The following DNM2 variants were observed in gnomAD, a reference collection of about 807,000 sequenced individuals.
DNM2 encodes the protein dynamin 2.
In DNM2, 15 loss-of-function variants were observed where a neutral mutation model predicts 99.0. The observed-to-expected ratio is 0.15, with a 90% CI of 0.10 to 0.23. The LOEUF is 0.23. Among genes scored for constraint, DNM2 ranks in the 10% least tolerant of loss-of-function variants. DNM2 has a pLI of 1.00. For missense variants in DNM2, 742 were observed against 1,189.4 expected (o/e 0.62, Z 5.53); for synonymous variants, 525 against 481.2 (o/e 1.09, Z -1.19).
intron 7 of DNM2, among the ~76,000 whole-genome samples, chr19:10,789,663 T>C (rs1320894132): frequency 6.6e-6 from 1 of 151,960 alleles, no homozygotes; most frequent in Non-Finnish European, 1.5e-5. Flanking sequence ...TGAAACCCTG[T>C]CTCTATGAAA....
Position 10,830,084 on chromosome 19 carries a change from A to G in DNM2, c.2292-43A>G. 1.2e-6 allele frequency: 2 copies of G among 1,612,900 alleles called. No individual in the cohort carries two copies. Among genetic ancestry groups the G allele is most frequent in the Admixed American group, 1.7e-5 (1 of 59,946 alleles). Reference sequence around the variant, plus strand: ...CCACAGTGGCATGGCGGGGGCTCCTACTCCATCTGTATCTGTAGCTCACAC... The same window carrying G: ...CCACAGTGGCATGGCGGGGGCTCCTGCTCCATCTGTATCTGTAGCTCACAC... On this transcript the variant is annotated intron_variant, in intron 19 of 20. Transcript: ENST00000389253. This position sits in a 1 kb window ranked among gnomAD's most constrained non-coding sequence, Gnocchi z 4.8.
At position 10,795,983 on chromosome 19, in the gene DNM2, C is replaced by T; in HGVS notation, c.1196+544C>T. The T allele has an allele frequency of 6.2e-7, 1 of 1,606,078 alleles. No homozygotes were observed. Among genetic ancestry groups the T allele is most frequent in the East Asian group, 2.2e-5 (1 of 44,872 alleles). ...CTTCATTCCTTGTTGGGGACCCGGC[C>T]AGGGCCAATGAAATTGCTGACCATG... On this transcript the variant is annotated intron_variant, in intron 9 of 20. Coordinates refer to ENST00000389253, the MANE Select transcript of DNM2 (RefSeq NM_001005361.3). The surrounding 1 kb of genome is among the most constrained non-coding windows in gnomAD (Gnocchi z 4.2).
rs982219510 is a variant in DNM2 at position 10,764,923 on chromosome 19, C to T, written c.235+5112C>T. 2.0e-5 allele frequency among the ~76,000 whole-genome samples: 3 copies of T among 152,130 alleles called. No homozygotes were observed. Among genetic ancestry groups the T allele is most frequent in the Non-Finnish European group, 2.9e-5 (2 of 68,024 alleles). ...CTTGCCGCCTTCGTTCCCCGGTCCC[C>T]GGCAGCACGAGTTATCCTGTTCTTG... is the stretch of plus-strand genomic sequence containing the variant. On this transcript the variant is annotated intron_variant, in intron 2 of 20. Coordinates refer to ENST00000389253, the MANE Select transcript of DNM2 (RefSeq NM_001005361.3). The surrounding 1 kb of genome is among the most constrained non-coding windows in gnomAD (Gnocchi z 4.1).
At chr19:10,736,510 C>T (rs961684558) in intron 1 of DNM2, among the ~76,000 whole-genome samples, 4 of 152,164 alleles carry the variant, frequency 2.6e-5, no homozygotes, top group African/African-American at 7.2e-5. Context: ...AGTCTAGTTC[C>T]TTTGCCTCCA....
chr19:10,759,085 G>A (rs1233992677), intron 1 of DNM2, among the ~76,000 whole-genome samples: 1 of 152,198 alleles, frequency 6.6e-6, no homozygotes, highest in African/African-American at 2.4e-5. Context: ...GGGATCACAG[G>A]CGTGGGCCAC....
chr19:10,761,084 G>A (rs2070613884), intron 2 of DNM2, among the ~76,000 whole-genome samples: 1 of 151,966 alleles, frequency 6.6e-6, no homozygotes, highest in South Asian at 2.1e-4. Context: ...CGCCTCCTGG[G>A]TTCAAGCGAT....
chr19:10,752,027 C>T (rs1447812364), intron 1 of DNM2, among the ~76,000 whole-genome samples: 1 of 152,144 alleles, frequency 6.6e-6, no homozygotes, highest in Non-Finnish European at 1.5e-5. Flanking sequence ...CAATCTAAAC[C>T]AATTTTGGTT....
Position 10,830,525 on chromosome 19 carries a change from C to A in DNM2, c.2543+147C>A. 2.0e-6 allele frequency: 2 copies of A among 1,011,714 alleles called. No individual in the cohort carries two copies. Among genetic ancestry groups the A allele is most frequent in the Non-Finnish European group, 2.9e-6 (2 of 698,788 alleles). The allele number at this position is 1,011,714 out of a possible 1,614,324, so 62.7% of individuals were successfully genotyped here. ...CATCCCTATTTGGCTTGCGAGGAAA[C>A]AGGCCCAGAGAGGCCAAGAGGCTTG... On this transcript the variant is annotated intron_variant, in intron 20 of 20. Coordinates refer to ENST00000389253, the MANE Select transcript of DNM2 (RefSeq NM_001005361.3). The surrounding 1 kb of genome is among the most constrained non-coding windows in gnomAD (Gnocchi z 4.8).
Position 10,812,159 on chromosome 19 carries a change from A to G in DNM2, c.1558-105A>G, listed in dbSNP as rs769829411. 1.5e-5 allele frequency: 14 copies of G among 935,728 alleles called. No individual in the cohort carries two copies. The highest frequency in any genetic ancestry group is 4.2e-5 in the South Asian group (3 of 72,112). 58.0% of individuals were successfully genotyped at this position (935,728 alleles called of 1,614,324 possible). A position where few individuals can be genotyped will look rare whatever the true frequency, so the allele number is the denominator to read the frequency against. ...GGGCTTTGGGGCTGGAGGTGTCTCT[A>G]TTGCGGTCCCTGGCTTCCCACTGAG... On this transcript the variant is annotated intron_variant, in intron 14 of 20. Transcript: ENST00000389253. This position sits in a 1 kb window ranked among gnomAD's most constrained non-coding sequence, Gnocchi z 4.0.
intron 4 of DNM2, among the ~76,000 whole-genome samples, chr19:10,776,141 A>C (rs997589739): frequency 9.9e-5 from 15 of 152,262 alleles, no homozygotes; most frequent in Non-Finnish European, 1.9e-4. Context: ...CCATGTTGCC[A>C]GAGTGGGAAG....
In DNM2 at chr19:10,805,937, GC is replaced by G; in HGVS notation, c.1516del (p.Leu506Ter). ...TCAGTGCCCAGCAGAGGAGCACGCA[GC>G]TGAACAAGAAGAGAGCCATCCCCAA... Reference protein sequence around the residue: ...FANAQQRSTQLNKKRAIPNQG... With the variant: ...FANAQQRSTQXNKKRAIPNQG... On this transcript the variant is annotated frameshift_variant, in exon 13 of 21. Transcript: ENST00000389253. LOFTEE classifies it high-confidence loss of function. 1 of 1,614,156 alleles carries G rather than the reference GC, an allele frequency of 6.2e-7. No homozygotes were observed. Among genetic ancestry groups the G allele is most frequent in the Non-Finnish European group, 8.5e-7 (1 of 1,180,042 alleles).
intron 1 of DNM2, among the ~76,000 whole-genome samples, chr19:10,722,635 G>A (rs898171097): frequency 2.0e-5 from 3 of 152,014 alleles, no homozygotes; most frequent in South Asian, 2.1e-4. Context: ...GAGCCACCGC[G>A]CCTGGCCTGA....
intron 15 of DNM2, among the ~76,000 whole-genome samples, chr19:10,814,188 G>A (rs2072653924): frequency 6.6e-6 from 1 of 151,604 alleles, no homozygotes; most frequent in Admixed American, 6.6e-5. Flanking sequence ...AAACAGGCTG[G>A]GCGCAGTGGC....
intron 3 of DNM2, among the ~76,000 whole-genome samples, chr19:10,773,625 TA>T (rs1329154418): frequency 7.9e-5 from 12 of 151,732 alleles, no homozygotes; most frequent in Non-Finnish European, 1.2e-4. Flanking sequence ...ATTTTTTTTT[TA>T]TTTTTTATTT....
At chr19:10,738,330 G>C (rs1422205348) in intron 1 of DNM2, among the ~76,000 whole-genome samples, 1 of 152,150 alleles carries the variant, frequency 6.6e-6, no homozygotes, top group Non-Finnish European at 1.5e-5. Context: ...CAAAGGGCAC[G>C]AGGTGGCAGG....
intron 5 of DNM2, among the ~76,000 whole-genome samples, chr19:10,782,288 C>A (rs1349047031): frequency 1.3e-5 from 2 of 152,138 alleles, no homozygotes; most frequent in East Asian, 1.9e-4. Context: ...CCCGCCTCGG[C>A]CTCCCAAAGT....
rs1568304280 is a variant in DNM2 at position 10,793,743 on chromosome 19, A to G, written c.1016A>G (p.Asp339Gly). The G allele has an allele frequency of 6.2e-7, 1 of 1,613,972 alleles. No homozygotes were observed. Among genetic ancestry groups the G allele is most frequent in the Non-Finnish European group, 8.5e-7 (1 of 1,179,988 alleles). Residue 339 changes from aspartate (D) to glycine (G), a missense_variant, in exon 8 of 21, where the codon GAT becomes GGT. Asp to Gly is a moderately conservative substitution (Grantham distance 94). Around this residue, in one of 7 missense-constraint regions of DNM2, gnomAD observed 14 missense variants for 31.7 expected, o/e 0.44. Transcript: ENST00000389253. ...LLQMVQQFGV[D>G]FEKRIEGSGD... ...AGGATGGTCCAGCAGTTTGGGGTGG[A>G]TTTTGAGAAGAGGATCGAGGGCTCA...
rs2072853191 is a variant in DNM2 at position 10,818,515 on chromosome 19, C to T, written c.1672-1465C>T. On this transcript the variant is annotated intron_variant, in intron 15 of 20. Coordinates refer to ENST00000389253, the MANE Select transcript of DNM2 (RefSeq NM_001005361.3). This position sits in a 1 kb window ranked among gnomAD's most constrained non-coding sequence, Gnocchi z 4.3. ...CACGGCCAGGAAAGGGCAGGGCTGG[C>T]ATCACCTCAACCATGCTGAGCTCCT... Among the ~76,000 whole-genome samples the T allele has an allele frequency of 6.6e-6, 1 of 152,250 alleles. No homozygotes were observed. The highest frequency in any genetic ancestry group is 2.1e-4 in the South Asian group (1 of 4,838).
intron 19 of DNM2, 83 bp downstream of exon 19, chr19:10,829,351 G>C: frequency 6.5e-7 from 1 of 1,526,896 alleles, no homozygotes; most frequent in East Asian, 2.3e-5. Flanking sequence ...GGTCCTGGCA[G>C]GAAACAGGAC....
Sources: gnomAD v4.1 joint callset for allele counts (sites outside exome capture counted in the v4.1 genomes callset) on GRCh38, gnomAD v4.1.1 for gene constraint, gnomAD v4.1.1 regional missense constraint, Gnocchi (gnomAD v3.1) non-coding constraint, MANE v1.5 for transcripts, NCBI Gene and HGNC (gene_info 2026-07-23, HGNC 2026-07-21) for gene names.